ALK: variants seen among roughly 807,000 people sequenced by gnomAD.
The protein encoded by ALK is ALK tyrosine kinase receptor.
ALK carries 74 observed loss-of-function variants against 163.1 expected under a neutral mutation model. That is an observed-to-expected ratio of 0.45 (90% confidence interval 0.38 to 0.55). The LOEUF (loss-of-function observed/expected upper bound fraction) is 0.55. Ranked by LOEUF, ALK falls within the 20% of genes least tolerant of loss-of-function variation. The pLI is 0.00. For missense variants in ALK, 2,063 were observed against 2,105.3 expected (o/e 0.98, Z 0.39); for synonymous variants, 960 against 843.2 (o/e 1.14, Z -2.40).
chr2:29,677,310 G>T (rs1003256490), intron 3 of ALK, among the ~76,000 whole-genome samples: 2 of 134,760 alleles, frequency 1.5e-5, no homozygotes, highest in South Asian at 2.5e-4. Context: ...CTTTGTATTG[G>T]CTAGGCTCAA....
At chr2:29,681,548 A>T (rs184090863) in intron 3 of ALK, among the ~76,000 whole-genome samples, 1 of 152,250 alleles carries the variant, frequency 6.6e-6, no homozygotes, top group East Asian at 1.9e-4. Flanking sequence ...CAGGCCATTT[A>T]GTTCTTGAGT....
intron 1 of ALK, among the ~76,000 whole-genome samples, chr2:29,836,511 C>T (rs1572422495): frequency 6.6e-6 from 1 of 152,178 alleles, no homozygotes; most frequent in East Asian, 1.9e-4. Flanking sequence ...ACCACTTCTG[C>T]TCACAACTCC....
chr2:29,774,833 C>T (rs1016432134), intron 1 of ALK, among the ~76,000 whole-genome samples: 3 of 151,996 alleles, frequency 2.0e-5, no homozygotes, highest in Admixed American at 6.6e-5. Context: ...AAATGGATGA[C>T]GTAACTACTT....
At position 29,345,624 on chromosome 2, in the gene ALK, A is replaced by C. The variant is rs533990080; in HGVS notation, c.1283-17143T>G. Among the ~76,000 whole-genome samples, 321 of 152,062 alleles carry C rather than the reference A, an allele frequency of 2.1e-3. 3 individuals are homozygous for C. The highest frequency in any genetic ancestry group is 7.4e-3 in the African/African-American group (306 of 41,498). ...TGAACCCCAAGGTTCCACTTTTAGG[A>C]AACTTCCTTGAGGAAATAGAGTTAT... is the stretch of plus-strand genomic sequence containing the variant. On this transcript the variant is annotated intron_variant, in intron 5 of 28. Transcript: ENST00000389048.
intron 1 of ALK, among the ~76,000 whole-genome samples, chr2:29,825,368 G>A (rs62131017): frequency 0.27 from 41,196 of 152,088 alleles, 6,784 homozygotes; most frequent in East Asian, 0.48. Context: ...ATAACAACAA[G>A]CAAGATGAGT....
intron 28 of ALK, among the ~76,000 whole-genome samples, chr2:29,195,132 T>C (rs1668992711): frequency 6.6e-6 from 1 of 152,226 alleles, no homozygotes; most frequent in Non-Finnish European, 1.5e-5. Context: ...GTAATTTCTA[T>C]AGTGAATCAA....
At chr2:29,657,582 T>A (rs1677222477) in intron 3 of ALK, among the ~76,000 whole-genome samples, 1 of 152,110 alleles carries the variant, frequency 6.6e-6, no homozygotes, top group Non-Finnish European at 1.5e-5. Context: ...AGGCCTGAAT[T>A]AACAAACACA....
chr2:29,507,111 T>C (rs1174809023), intron 4 of ALK, among the ~76,000 whole-genome samples: 4 of 152,166 alleles, frequency 2.6e-5, no homozygotes, highest in African/African-American at 9.7e-5. Flanking sequence ...TAGTCAAATG[T>C]TGAAAGCAAC....
chr2:29,848,944 C>T (rs906196122), intron 1 of ALK, among the ~76,000 whole-genome samples: 1 of 152,168 alleles, frequency 6.6e-6, no homozygotes, highest in Non-Finnish European at 1.5e-5. Flanking sequence ...TGATTGGCCA[C>T]AATGTACTCC....
intron 26 of ALK, among the ~76,000 whole-genome samples, chr2:29,205,397 T>TGTGACTGTTGTAAAAAACA (rs1383681261): frequency 2.0e-5 from 3 of 151,686 alleles, no homozygotes; most frequent in South Asian, 2.1e-4. Flanking sequence ...TGTAATTTTC[T>TGTGACTGTTGTAAAAAACA]GTGACTGTTG....
intron 1 of ALK, among the ~76,000 whole-genome samples, chr2:29,764,692 G>T (rs1680807378): frequency 6.6e-6 from 1 of 152,118 alleles, no homozygotes; most frequent in African/African-American, 2.4e-5. Flanking sequence ...CAGTCATTTT[G>T]GTTTATGTCA....
intron 9 of ALK, among the ~76,000 whole-genome samples, chr2:29,288,896 G>A (rs985676218): frequency 1.4e-5 from 2 of 146,612 alleles, no homozygotes; most frequent in African/African-American, 2.5e-5. Context: ...AGGTTGCAAT[G>A]AGCTGAGATG....
At chr2:29,410,656 C>T (rs1331026691) in intron 4 of ALK, among the ~76,000 whole-genome samples, 3 of 152,208 alleles carry the variant, frequency 2.0e-5, no homozygotes, top group Non-Finnish European at 4.4e-5. Flanking sequence ...AAAGGTAACA[C>T]ACGGTATTTG....
intron 3 of ALK, among the ~76,000 whole-genome samples, chr2:29,539,852 TACA>T (rs1673366673): frequency 6.6e-6 from 1 of 152,194 alleles, no homozygotes; most frequent in Non-Finnish European, 1.5e-5. Flanking sequence ...ACTTAGAGCT[TACA>T]ACAACAACTG....
chr2:29,661,307 T>C (rs2339531), intron 3 of ALK, among the ~76,000 whole-genome samples: 81,614 of 152,004 alleles, frequency 0.54, 25,574 homozygotes, highest in East Asian at 0.74. Flanking sequence ...CTGCTTCTCC[T>C]CTCTACCTAG....
At chr2:29,852,832 T>TTCTC (rs56348355) in intron 1 of ALK, among the ~76,000 whole-genome samples, 3,515 of 148,458 alleles carry the variant, frequency 0.024, 95 homozygotes, top group African/African-American at 0.058. Context: ...GACCAGAGCT[T>TTCTC]TCTCTCTCTC....
chr2:29,271,481 G>T (rs140674181), intron 11 of ALK, among the ~76,000 whole-genome samples: 1 of 152,362 alleles, frequency 6.6e-6, no homozygotes, highest in Non-Finnish European at 1.5e-5. Flanking sequence ...ATAAAGCCAT[G>T]GCTCCCTGAT....
chr2:29,461,635 G>C (rs1173171517), intron 4 of ALK, among the ~76,000 whole-genome samples: 12 of 152,114 alleles, frequency 7.9e-5, no homozygotes, highest in Non-Finnish European at 1.3e-4. Flanking sequence ...CTATTGCTCA[G>C]AGAAAAAGAT....
chr2:29,544,253 A>T (rs529651998), intron 3 of ALK, among the ~76,000 whole-genome samples: 35 of 152,250 alleles, frequency 2.3e-4, no homozygotes, highest in African/African-American at 7.7e-4. Flanking sequence ...ACTCCAGAGT[A>T]CCTTCCGCAG....
Sources: allele counts gnomAD v4.1 joint callset (sites outside exome capture counted in the v4.1 genomes callset), GRCh38; gene constraint gnomAD v4.1.1; transcripts MANE v1.5; gene names NCBI Gene and HGNC (gene_info 2026-07-23, HGNC 2026-07-21).